TRPM5: variants seen among roughly 807,000 people sequenced by gnomAD.
TRPM5 encodes MLSN1 and TRP-related.
Under a neutral mutation model 124.9 loss-of-function variants are expected in TRPM5, and 121 were observed. The ratio of observed to expected loss-of-function variants is 0.97; its 90% CI spans 0.84 to 1.13. The LOEUF (loss-of-function observed/expected upper bound fraction) is 1.13. Among genes scored for constraint, TRPM5 ranks in the 50% most tolerant of loss-of-function variants. The probability of loss-of-function intolerance (pLI) is 0.00; values close to 1 mark genes in which losing one functional copy is unlikely to be tolerated. For missense variants in TRPM5, 1,643 were observed against 1,589.1 expected (o/e 1.03, Z -0.58); for synonymous variants, 781 against 700.5 (o/e 1.11, Z -1.81).
chr11:2,422,602 C>T (rs1476746516), intron 1 of TRPM5, among the ~76,000 whole-genome samples: 1 of 151,844 alleles, frequency 6.6e-6, no homozygotes, highest in Non-Finnish European at 1.5e-5. Flanking sequence ...AGTCCTGACC[C>T]CTCTCTGGGC....
chr11:2,411,537 C>G lies in TRPM5; in HGVS notation c.2608-11G>C, dbSNP rs751339422. The G allele has an allele frequency of 3.7e-6, 6 of 1,607,880 alleles. No homozygotes were observed. The highest frequency in any genetic ancestry group is 1.7e-5 in the Admixed American group (1 of 59,886). On this transcript the variant is annotated splice_polypyrimidine_tract_variant and intron_variant, in intron 17 of 23. Transcript: ENST00000155858. ...GAAGACGTCCTTCATCTCCACGGGG[C>G]AGGGGCAGAGAGAGGGACGTCAGCG...
exon 12 of TRPM5, chr11:2,414,181 G>A: frequency 3.1e-6 from 5 of 1,610,016 alleles, no homozygotes; most frequent in Non-Finnish European, 4.2e-6. Context: ...GGGCCTCACT[G>A]TTGCTGTAGC....
the TRPM5 span, among the ~76,000 whole-genome samples, chr11:2,433,323 T>A: frequency 3.3e-5 from 5 of 152,158 alleles, no homozygotes; most frequent in Non-Finnish European, 7.4e-5. Flanking sequence ...CCGCAGAGGG[T>A]GCTTGGCGAT....
At chr11:2,427,121 C>T (rs1025973731), upstream of TRPM5, among the ~76,000 whole-genome samples, 11 of 152,128 alleles carry the variant, frequency 7.2e-5, no homozygotes, top group Admixed American at 5.2e-4. Flanking sequence ...CCAGTGGGGC[C>T]GGCCCTTCAC....
Position 2,412,825 on chromosome 11 carries a change from G to T in TRPM5, c.2284C>A (p.Gln762Lys), listed in dbSNP as rs927289304. 3 of 1,603,248 alleles carry T rather than the reference G, an allele frequency of 1.9e-6. No homozygotes were observed. The South Asian group carries it at 3.3e-5, about 18-fold the overall frequency. The change falls in exon 15 of 24, where the codon CAG (glutamine) becomes AAG (lysine). Residue 762 changes from glutamine (Q) to lysine (K), a missense_variant. By Grantham distance (53) the Gln-to-Lys change is moderately conservative. Coordinates refer to ENST00000155858, the Ensembl canonical transcript of TRPM5. ...GTGACCTCGGGCCCTGAGGGGCCCT[G>T]GGGGGGCGGCCTGAAGTCCACCAGC...
intron 3 of TRPM5, among the ~76,000 whole-genome samples, chr11:2,420,673 ACCT>A (rs1307728221): frequency 6.6e-6 from 1 of 152,000 alleles, no homozygotes; most frequent in Non-Finnish European, 1.5e-5. Context: ...TGCCGGGAGC[ACCT>A]CCTTCCCGAC....
At chr11:2,442,914 G>A in the TRPM5 span, among the ~76,000 whole-genome samples, 1 of 152,132 alleles carries the variant, frequency 6.6e-6, no homozygotes, top group Non-Finnish European at 1.5e-5. The surrounding 1 kb of genome is among the most constrained non-coding windows in gnomAD (Gnocchi z 5.9). Flanking sequence ...GGACTGTCTG[G>A]CAGGTTCCTC....
rs1039307106 is a variant in TRPM5 at position 2,411,603 on chromosome 11, C to T, written c.2607+32G>A. The T allele has an allele frequency of 6.2e-6, 10 of 1,605,384 alleles. No homozygotes were observed. In the African/African-American group the frequency reaches 1.1e-4, roughly 17 times the overall value. The stretch of plus-strand genomic sequence containing the variant: ...CCCAGGCAGGGGATTGCTGTCCCTC[C>T]AGGGCCAGGGCCAGGGCCCCCGGGG... On this transcript the variant is annotated intron_variant, in intron 17 of 23. Transcript: ENST00000155858.
At chr11:2,408,922 G>A (rs1286872020) in intron 18 of TRPM5, among the ~76,000 whole-genome samples, 1 of 152,230 alleles carries the variant, frequency 6.6e-6, no homozygotes, top group Non-Finnish European at 1.5e-5. Flanking sequence ...ATGCTCATGT[G>A]TGAGTCTGCG....
chr11:2,439,898 T>C, the TRPM5 span, among the ~76,000 whole-genome samples: 10 of 152,176 alleles, frequency 6.6e-5, no homozygotes, highest in Admixed American at 3.9e-4. Context: ...CGCAGCACTA[T>C]TCACAATAAC....
rs989516071 is a variant in TRPM5, at chr11:2,415,197, C to T, written c.1403G>A (p.Arg468His). The stretch of plus-strand genomic sequence containing the variant: ...GTCCTGCAGGAAGTCCTTGAGTACG[C>T]GGGAGACCTCGTGCAGGGAGAAGGC... Residue 468 changes from arginine to histidine, a missense_variant, in exon 9 of 24, where the codon CGC becomes CAC. Transcript: ENST00000155858. 13 of 1,582,934 alleles carry T rather than the reference C, an allele frequency of 8.2e-6. No individual in the cohort carries two copies. In the Admixed American group the frequency reaches 1.2e-4, roughly 15 times the overall value.
intron 3 of TRPM5, among the ~76,000 whole-genome samples, chr11:2,420,615 CG>C (rs1259633437): frequency 2.2e-4 from 33 of 152,180 alleles, no homozygotes; most frequent in Non-Finnish European, 3.8e-4. Context: ...GGGGCAGGGG[CG>C]GTGGGGAGCG....
the TRPM5 span, among the ~76,000 whole-genome samples, chr11:2,434,046 C>T: frequency 0.15 from 22,295 of 144,028 alleles, 1,920 homozygotes; most frequent in African/African-American, 0.25. Context: ...TGTGTGTGGA[C>T]GCAGTGTGCG....
chr11:2,418,195 C>T lies in TRPM5; in HGVS notation c.878G>A (p.Trp293Ter), dbSNP rs1249979751. ...CTTGGTCCAGCGCACGATGTCCTCCCAAGAGAAATGCTTGCTGGGGAACTT... is the reference window on the plus strand; with the variant it reads ...CTTGGTCCAGCGCACGATGTCCTCCTAAGAGAAATGCTTGCTGGGGAACTT... The change falls in exon 6 of 24, where the codon TGG (tryptophan) becomes TAG (stop). Residue 293 changes from tryptophan (W) to a stop codon, truncating the protein, a stop_gained. Coordinates refer to ENST00000155858, the Ensembl canonical transcript of TRPM5. LOFTEE classifies it high-confidence loss of function. 1.3e-6 allele frequency: 2 copies of T among 1,582,224 alleles called. No homozygotes were observed. Among genetic ancestry groups the T allele is most frequent in the African/African-American group, 2.7e-5 (2 of 74,530 alleles).
chr11:2,443,988 C>G, the TRPM5 span, among the ~76,000 whole-genome samples: 1 of 152,168 alleles, frequency 6.6e-6, no homozygotes, highest in South Asian at 2.1e-4. The surrounding 1 kb of genome is among the most constrained non-coding windows in gnomAD (Gnocchi z 5.0). Context: ...GGACAAGGCG[C>G]CCATTCTCCA....
In TRPM5 at chr11:2,421,035, G is replaced by C. The variant is rs752077260; in HGVS notation, c.462C>G (p.Ala154=). ...GTGCTGGGAGCTGGACGTGCACCTG[G>C]GCCTCCTCCAGAATGCGGCGGTGCA... Residue 154 remains alanine (A), a synonymous_variant, in exon 3 of 24, where the codon GCC becomes GCG. Transcript: ENST00000155858. The C allele has an allele frequency of 5.8e-6, 9 of 1,540,464 alleles. No homozygotes were observed. In the East Asian group the frequency reaches 2.2e-4, roughly 38 times the overall value.
chr11:2,437,792 G>A, the TRPM5 span, among the ~76,000 whole-genome samples: 1 of 152,180 alleles, frequency 6.6e-6, no homozygotes, highest in East Asian at 1.9e-4. The surrounding 1 kb of genome is among the most constrained non-coding windows in gnomAD (Gnocchi z 5.6). Flanking sequence ...AGACCTGCTG[G>A]TAGGGGTGGG....
At chr11:2,413,265 T>TC (rs1322379261) in intron 13 of TRPM5, 39 bp from the exon 19 acceptor site, 1 of 1,494,868 alleles carries the variant, frequency 6.7e-7, no homozygotes, top group African/African-American at 1.4e-5. Context: ...CAGGAAGGGC[T>TC]CCCAGAGGCG....
At position 2,415,106 on chromosome 11, in the gene TRPM5, G is replaced by T; in HGVS notation, c.1479+15C>A. On this transcript the variant is annotated intron_variant, in intron 9 of 23. Transcript: ENST00000155858. ...CCCCAGCCTCGCCCTCCATCCCCACGGAGCCCCCGCTCACCGCCCTCCTGC... is the reference window on the plus strand; with the variant it reads ...CCCCAGCCTCGCCCTCCATCCCCACTGAGCCCCCGCTCACCGCCCTCCTGC... 1 of 1,574,142 alleles carries T rather than the reference G, an allele frequency of 6.4e-7. No individual in the cohort carries two copies.
Sources: gnomAD v4.1 joint callset for allele counts (sites outside exome capture counted in the v4.1 genomes callset) on GRCh38, gnomAD v4.1.1 for gene constraint, Gnocchi (gnomAD v3.1) non-coding constraint, MANE v1.5 for transcripts, NCBI Gene and HGNC (gene_info 2026-07-23, HGNC 2026-07-21) for gene names.